PTPRG: variants seen among roughly 807,000 people sequenced by gnomAD.
The protein encoded by PTPRG is protein tyrosine phosphatase receptor type G.
A neutral mutation model predicts 165.3 loss-of-function variants in PTPRG; 102 were observed. That is an observed-to-expected ratio of 0.62 (90% confidence interval 0.53 to 0.73). The LOEUF (loss-of-function observed/expected upper bound fraction) is 0.73. PTPRG is among the 30% of genes least tolerant of loss of function. The pLI, the probability that PTPRG is intolerant of heterozygous loss-of-function variation, is 0.00. For synonymous variants in PTPRG, 675 were observed against 669.5 expected (o/e 1.01, Z -0.13); for missense variants, 1,866 against 1,861.4 (o/e 1.00, Z -0.05).
chr3:61,922,161 T>C (rs550136195), intron 2 of PTPRG, among the ~76,000 whole-genome samples: 1 of 152,366 alleles, frequency 6.6e-6, no homozygotes, highest in African/African-American at 2.4e-5. Context: ...TCCCCAGCAG[T>C]ATGCTATTTC....
At chr3:61,773,223 T>C (rs2034265671) in intron 2 of PTPRG, among the ~76,000 whole-genome samples, 1 of 152,034 alleles carries the variant, frequency 6.6e-6, no homozygotes, top group African/African-American at 2.4e-5. Flanking sequence ...TGGAAATTGT[T>C]CAGAAAAAAA....
chr3:61,747,178 C>G (rs1017173436), intron 1 of PTPRG, among the ~76,000 whole-genome samples: 1 of 152,148 alleles, frequency 6.6e-6, no homozygotes, highest in Non-Finnish European at 1.5e-5. Context: ...AGGTGCTCTG[C>G]TCACCATAAC....
At chr3:61,733,788 T>C (rs2032611978) in intron 1 of PTPRG, among the ~76,000 whole-genome samples, 1 of 152,158 alleles carries the variant, frequency 6.6e-6, no homozygotes, top group Admixed American at 6.6e-5. Context: ...TGATCAACTC[T>C]TCACTTTTGT....
intron 4 of PTPRG, among the ~76,000 whole-genome samples, chr3:62,006,057 AT>A (rs2041291446): frequency 6.6e-6 from 1 of 151,918 alleles, no homozygotes; most frequent in Admixed American, 6.6e-5. Context: ...TCAGTTTTAC[AT>A]TTCTCAGAGG....
intron 9 of PTPRG, among the ~76,000 whole-genome samples, chr3:62,193,789 G>C (rs1401453993): frequency 6.6e-6 from 1 of 152,200 alleles, no homozygotes; most frequent in Admixed American, 6.5e-5. Flanking sequence ...CAATAGCTGC[G>C]TTGGGAAAAC....
At chr3:61,886,947 C>T (rs973778738) in intron 2 of PTPRG, among the ~76,000 whole-genome samples, 64 of 148,848 alleles carry the variant, frequency 4.3e-4, no homozygotes, top group African/African-American at 1.5e-3. Context: ...TGATTAGGGA[C>T]GAGGTCAAAC....
intron 5 of PTPRG, among the ~76,000 whole-genome samples, chr3:62,078,469 A>T (rs1701463969): frequency 6.6e-6 from 1 of 152,190 alleles, no homozygotes; most frequent in African/African-American, 2.4e-5. Context: ...CTCTGATTTT[A>T]TTGCTACTTG....
At chr3:61,692,195 G>T (rs898762570) in intron 1 of PTPRG, among the ~76,000 whole-genome samples, 5 of 152,206 alleles carry the variant, frequency 3.3e-5, no homozygotes, top group African/African-American at 1.2e-4. Flanking sequence ...TATGTTGCAC[G>T]TAAGTTGCAA....
intron 8 of PTPRG, among the ~76,000 whole-genome samples, chr3:62,172,398 C>G (rs899507310): frequency 3.3e-5 from 5 of 152,168 alleles, no homozygotes; most frequent in African/African-American, 4.8e-5. Context: ...TCTCCATATC[C>G]TCACCAACAC....
chr3:62,138,659 C>T (rs1703805797), intron 6 of PTPRG, among the ~76,000 whole-genome samples: 1 of 130,228 alleles, frequency 7.7e-6, no homozygotes, highest in African/African-American at 2.9e-5. Flanking sequence ...GCAGAATTTA[C>T]AGTTAGCTGA....
At chr3:61,691,642 G>T (rs957550040) in intron 1 of PTPRG, among the ~76,000 whole-genome samples, 1 of 152,260 alleles carries the variant, frequency 6.6e-6, no homozygotes, top group East Asian at 1.9e-4. Flanking sequence ...TCTGTGTATT[G>T]TCCTGATCTC....
At chr3:62,146,309 T>G (rs1327575540) in intron 6 of PTPRG, among the ~76,000 whole-genome samples, 2 of 152,202 alleles carry the variant, frequency 1.3e-5, no homozygotes, top group African/African-American at 4.8e-5. Context: ...CTAGATGTCT[T>G]AGATGTCTTT....
chr3:61,681,962 C>T (rs1484290402), intron 1 of PTPRG, among the ~76,000 whole-genome samples: 1 of 151,868 alleles, frequency 6.6e-6, no homozygotes, highest in African/African-American at 2.4e-5. Flanking sequence ...CCAGCCTGGC[C>T]AACATAGTGA....
intron 2 of PTPRG, among the ~76,000 whole-genome samples, chr3:61,921,159 CCT>C (rs2107561618): frequency 6.6e-6 from 1 of 151,366 alleles, no homozygotes; most frequent in African/African-American, 2.4e-5. Flanking sequence ...TTCCTTCCTT[CCT>C]TCTTACCTAT....
intron 4 of PTPRG, among the ~76,000 whole-genome samples, chr3:62,064,452 A>T (rs1389723877): frequency 6.6e-6 from 1 of 151,986 alleles, no homozygotes; most frequent in Admixed American, 6.6e-5. Flanking sequence ...CCTGGTCTGA[A>T]GCAATCCTCC....
At position 62,224,521 on chromosome 3, in the gene PTPRG, G is replaced by A. The variant is rs2106902964; in HGVS notation, c.2288+5538G>A. 6.6e-6 allele frequency among the ~76,000 whole-genome samples: 1 copy of A among 152,328 alleles called. No homozygotes were observed. Among genetic ancestry groups the A allele is most frequent in the Non-Finnish European group, 1.5e-5 (1 of 68,028 alleles). On this transcript the variant is annotated intron_variant, in intron 13 of 29. Coordinates refer to ENST00000474889, the MANE Select transcript of PTPRG (RefSeq NM_002841.4). This position sits in a 1 kb window ranked among gnomAD's most constrained non-coding sequence, Gnocchi z 4.9. ...GTCACACAGCCCCAAGGACACAGAT[G>A]AGGTAGGGGGAACACGTGGGTATTT...
At chr3:61,769,638 G>GTC in intron 2 of PTPRG, 1 of 152,296 alleles carries the variant, frequency 6.6e-6, no homozygotes, top group African/African-American at 2.4e-5. Context: ...ATAAGGAATT[G>GTC]AAGATTTTAG....
intron 26 of PTPRG, among the ~76,000 whole-genome samples, chr3:62,281,100 A>G (rs1243129256): frequency 6.6e-6 from 1 of 152,102 alleles, no homozygotes; most frequent in Admixed American, 6.6e-5. Context: ...CCAACATCAT[A>G]CTGAAAATAT....
intron 1 of PTPRG, among the ~76,000 whole-genome samples, chr3:61,624,276 C>G (rs568404658): frequency 7.6e-4 from 115 of 152,190 alleles, no homozygotes; most frequent in African/African-American, 2.3e-3. Flanking sequence ...AAATCTACCC[C>G]CTCCTCCTTC....
Sources: allele counts gnomAD v4.1 joint callset (sites outside exome capture counted in the v4.1 genomes callset), GRCh38; gene constraint gnomAD v4.1.1; non-coding constraint Gnocchi (gnomAD v3.1); transcripts MANE v1.5; gene names NCBI Gene and HGNC (gene_info 2026-07-23, HGNC 2026-07-21).